PDE6A: variants seen among roughly 807,000 people sequenced by gnomAD.
The protein encoded by PDE6A is phosphodiesterase 6A.
A neutral mutation model predicts 106.3 loss-of-function variants in PDE6A; 84 were observed. That is an observed-to-expected ratio of 0.79 (90% CI 0.66 to 0.95). The LOEUF (loss-of-function observed/expected upper bound fraction) is 0.95, where lower values mean the gene tolerates loss of function less well. Among genes scored for constraint, PDE6A ranks in the 40% least tolerant of loss-of-function variants. The pLI is 0.00. For synonymous variants in PDE6A, 394 were observed against 386.6 expected (o/e 1.02, Z -0.23); for missense variants, 1,052 against 1,084.9 (o/e 0.97, Z 0.43).
At chr5:149,904,358 G>C (rs1753104199) in intron 7 of PDE6A, among the ~76,000 whole-genome samples, 1 of 152,178 alleles carries the variant, frequency 6.6e-6, no homozygotes, top group Non-Finnish European at 1.5e-5. Flanking sequence ...TTGTAGCTCT[G>C]GTTCTATATT....
rs113820348 is a variant in PDE6A at position 149,894,724 on chromosome 5, CG to C, written c.1728+458del. 1.1e-4 allele frequency among the ~76,000 whole-genome samples: 16 copies of C among 150,720 alleles called. 1 individual carries two copies. The highest frequency in any genetic ancestry group is 3.9e-4 in the African/African-American group (16 of 40,796). On this transcript the variant is annotated intron_variant, in intron 13 of 21. Coordinates refer to ENST00000255266, the MANE Select transcript of PDE6A (RefSeq NM_000440.3). ...TTGGCTCACTGCAACCTCTGCCTCC[CG>C]GGTTCAAGGAATTCTCTGCCTCAGC...
chr5:149,912,567 T>A (rs1448908839), intron 6 of PDE6A, among the ~76,000 whole-genome samples: 5 of 152,184 alleles, frequency 3.3e-5, no homozygotes, highest in Non-Finnish European at 1.5e-5. Context: ...TGTGTATTTT[T>A]CCTCTCTTCT....
chr5:149,896,577 C>A, intron 11 of PDE6A, 75 bp from the exon 12 acceptor site: 3 of 1,613,796 alleles, frequency 1.9e-6, no homozygotes, highest in Non-Finnish European at 2.5e-6. Flanking sequence ...CCAGCCCTGT[C>A]CCCATCCTGG....
rs764525413 is a variant in PDE6A, at chr5:149,944,544, C to A, written c.130G>T (p.Val44Leu). Reference sequence around the variant, plus strand: ...GGGGAGTGGTAGTTGCTGAAGTCCACGGCAGCCTCCTTGGCCCCAAGGAGG... The same window carrying A: ...GGGGAGTGGTAGTTGCTGAAGTCCAAGGCAGCCTCCTTGGCCCCAAGGAGG... ...SDLLGAKEAAVDFSNYHSPSS... is the reference protein window; with the variant it reads ...SDLLGAKEAALDFSNYHSPSS... Residue 44 changes from valine (V) to leucine (L), a missense_variant, in exon 1 of 22, where the codon GTG (valine) becomes TTG (leucine). Physicochemically the swap from Val to Leu is conservative, Grantham distance 32. This residue lies in a region of PDE6A where 913 missense variants were observed against 915.2 expected (regional missense o/e 1.00). Coordinates refer to ENST00000255266, the MANE Select transcript of PDE6A (RefSeq NM_000440.3). 6.2e-7 allele frequency: 1 copy of A among 1,613,932 alleles called. No homozygotes were observed.
chr5:149,876,547 G>A (rs1230360541), intron 17 of PDE6A, among the ~76,000 whole-genome samples: 6 of 151,882 alleles, frequency 4.0e-5, no homozygotes, highest in Admixed American at 1.3e-4. Context: ...TCTGTGGCCC[G>A]GCTGGAGTGT....
In PDE6A at chr5:149,884,472, T is replaced by G; in HGVS notation, c.2027+7A>C. ...CTTTTACTATTAGAATGAGAAGATA[T>G]ACCAACTTGAAATACAGGGCGAGGT... On this transcript the variant is annotated splice_region_variant and intron_variant, in intron 16 of 21. Transcript: ENST00000255266. 6.3e-7 allele frequency: 1 copy of G among 1,583,616 alleles called. No individual in the cohort carries two copies. The highest frequency in any genetic ancestry group is 1.1e-5 in the South Asian group (1 of 90,488).
chr5:149,938,128 A>G (rs1754234724), intron 1 of PDE6A, among the ~76,000 whole-genome samples: 1 of 152,210 alleles, frequency 6.6e-6, no homozygotes, highest in African/African-American at 2.4e-5. Context: ...TGTGAAGCAG[A>G]CCACGCTGGG....
chr5:149,931,100 G>A lies in PDE6A; in HGVS notation c.786C>T (p.Ala262=). ...TGAGGAAAGCACGGACTGTGTACAG[G>A]GCTTTGTGGAACTGTCGTTCGATGT... ...LTDIERQFHK[A]LYTVRAFLNC... is the part of the protein sequence containing the mutation. The change falls in exon 4 of 22, where the codon GCC becomes GCT. Residue 262 remains alanine, a synonymous_variant. Coordinates refer to ENST00000255266, the MANE Select transcript of PDE6A (RefSeq NM_000440.3). The A allele has an allele frequency of 6.2e-6, 10 of 1,613,876 alleles. No individual in the cohort carries two copies. The highest frequency in any genetic ancestry group is 7.6e-6 in the Non-Finnish European group (9 of 1,179,762).
chr5:149,911,933 C>T (rs187891233), intron 6 of PDE6A, among the ~76,000 whole-genome samples: 15 of 151,410 alleles, frequency 9.9e-5, no homozygotes, highest in East Asian at 3.9e-4. Flanking sequence ...GTGAGAGGAT[C>T]GCTTGAACCC....
Position 149,866,162 on chromosome 5 carries a change from G to A in PDE6A, c.2358+8C>T. The A allele has an allele frequency of 6.2e-7, 1 of 1,607,000 alleles. No homozygotes were observed. Among genetic ancestry groups the A allele is most frequent in the Admixed American group, 1.7e-5 (1 of 60,014 alleles). On this transcript the variant is annotated splice_region_variant and intron_variant, in intron 20 of 21. Transcript: ENST00000255266. ...ATCTTGTTGCGGCTGAGGAAGCCAAGGGCCTACCTTGTAGACGAAGGTGCA... is the reference window on the plus strand; with the variant it reads ...ATCTTGTTGCGGCTGAGGAAGCCAAAGGCCTACCTTGTAGACGAAGGTGCA...
intron 17 of PDE6A, among the ~76,000 whole-genome samples, chr5:149,869,481 G>T (rs1306376745): frequency 6.6e-6 from 1 of 152,184 alleles, no homozygotes; most frequent in Non-Finnish European, 1.5e-5. Flanking sequence ...TAGAAAGGGA[G>T]GGGACACGGA....
rs538441314 is a variant in PDE6A at position 149,898,511 on chromosome 5, A to AAAAG, written c.1264-9_1264-6dup. ...GCCCAGAAATTGAGTCAAAGACTGA[A>AAAAG]AAAGAAAGAAAGGAGGAATCAGAGA... On this transcript the variant is annotated splice_region_variant and splice_polypyrimidine_tract_variant and intron_variant, in intron 9 of 21. Transcript: ENST00000255266. The AAAAG allele has an allele frequency of 2.7e-4, 436 of 1,612,536 alleles. 4 individuals carry two copies. In the South Asian group the frequency reaches 4.1e-3, roughly 15 times the overall value.
Position 149,886,378 on chromosome 5 carries a change from G to A in PDE6A, c.1729-4C>T, listed in dbSNP as rs555052906. 14 of 1,609,228 alleles carry A rather than the reference G, an allele frequency of 8.7e-6. No homozygotes were observed. Among genetic ancestry groups the A allele is most frequent in the Admixed American group, 1.7e-5 (1 of 59,982 alleles). On this transcript the variant is annotated splice_region_variant and splice_polypyrimidine_tract_variant and intron_variant, in intron 13 of 21. Coordinates refer to ENST00000255266, the MANE Select transcript of PDE6A (RefSeq NM_000440.3). ...AGTAGCGCTTCAGCTTTCCCGTCTG[G>A]AAGGGCAATCAGAGTGCAAATCATT...
chr5:149,886,303 G>A lies in PDE6A; in HGVS notation c.1800C>T (p.Asp600=), dbSNP rs761600125. The change falls in exon 14 of 22, where the codon GAC becomes GAT. Residue 600 remains aspartate, a synonymous_variant. Coordinates refer to ENST00000255266, the MANE Select transcript of PDE6A (RefSeq NM_000440.3). The part of the protein sequence containing the change: ...LAMVTAAFCH[D]IDHRGTNNLY... ...GGTTATTGGTGCCTCTGTGGTCAAT[G>A]TCATGGCAGAAAGCAGCAGTGACCA... 6.2e-7 allele frequency: 1 copy of A among 1,614,030 alleles called. No individual in the cohort carries two copies. The highest frequency in any genetic ancestry group is 8.5e-7 in the Non-Finnish European group (1 of 1,179,972).
chr5:149,886,358 C>A lies in PDE6A; in HGVS notation c.1745G>T (p.Arg582Leu), dbSNP rs77760924. 6.2e-7 allele frequency: 1 copy of A among 1,613,854 alleles called. No homozygotes were observed. The highest frequency in any genetic ancestry group is 1.1e-5 in the South Asian group (1 of 91,058). Residue 582 changes from arginine to leucine, a missense_variant, in exon 14 of 22, where the codon CGC becomes CTC. Around this residue, in one of 3 missense-constraint regions of PDE6A, gnomAD observed 913 missense variants for 915.2 expected, o/e 1.00. Transcript: ENST00000255266. The stretch of plus-strand genomic sequence containing the variant: ...CAAGGCCTCTAGGTCCGTGAAGTAG[C>A]GCTTCAGCTTTCCCGTCTGGAAGGG... ...FSLLVTGKLK[R>L]YFTDLEALAM...
intron 19 of PDE6A, 108 bp from the exon 20 acceptor site, chr5:149,866,361 C>A: frequency 9.9e-6 from 8 of 807,790 alleles, no homozygotes; most frequent in East Asian, 7.4e-5. Context: ...TGTTTCCAGA[C>A]CTGATGAGCA....
chr5:149,909,023 T>G (rs867611965), intron 6 of PDE6A, among the ~76,000 whole-genome samples: 7 of 152,206 alleles, frequency 4.6e-5, no homozygotes, highest in Admixed American at 2.6e-4. Context: ...CTATTAATTT[T>G]TTTCCTCTTA....
At chr5:149,915,500 C>T (rs1205792687) in intron 5 of PDE6A, among the ~76,000 whole-genome samples, 2 of 152,126 alleles carry the variant, frequency 1.3e-5, no homozygotes, top group African/African-American at 4.8e-5. Context: ...CCATAAACTC[C>T]CTCCAAGGAT....
chr5:149,862,930 C>A (rs954219557), intron 21 of PDE6A, among the ~76,000 whole-genome samples, 189 bp downstream of exon 21: 1 of 152,148 alleles, frequency 6.6e-6, no homozygotes, highest in Admixed American at 6.5e-5. Flanking sequence ...ATCTTGGGAA[C>A]CGGGCTCTGT....
Sources: allele counts gnomAD v4.1 joint callset (sites outside exome capture counted in the v4.1 genomes callset), GRCh38; gene constraint gnomAD v4.1.1; regional missense constraint gnomAD v4.1.1; transcripts MANE v1.5; gene names NCBI Gene and HGNC (gene_info 2026-07-23, HGNC 2026-07-21).